Variants in RBPJ observed in about 807,000 individuals in gnomAD.
The protein encoded by RBPJ is recombining binding protein suppressor of hairless.
Under a neutral mutation model 67.8 loss-of-function variants are expected in RBPJ, and 9 were observed. The observed-to-expected ratio is 0.13, with a 90% CI of 0.08 to 0.23. The LOEUF (loss-of-function observed/expected upper bound fraction) is 0.23. RBPJ is among the 10% of genes least tolerant of loss of function. The pLI is 1.00. For missense variants in RBPJ, 305 were observed against 595.6 expected (o/e 0.51, Z 5.08); for synonymous variants, 198 against 203.3 (o/e 0.97, Z 0.22).
At chr4:26,142,347 G>A in the RBPJ span, among the ~76,000 whole-genome samples, 3 of 152,212 alleles carry the variant, frequency 2.0e-5, no homozygotes, top group Non-Finnish European at 4.4e-5. Context: ...CCAGGAATTG[G>A]ATCTAAAGAA....
intron 1 of RBPJ, among the ~76,000 whole-genome samples, chr4:26,203,644 TG>T (rs1179254059): frequency 6.6e-6 from 1 of 152,192 alleles, no homozygotes; most frequent in African/African-American, 2.4e-5. Context: ...AAAGAATGAT[TG>T]GCCACTGCTG....
intron 1 of RBPJ, among the ~76,000 whole-genome samples, chr4:26,270,365 G>GAAAGAA (rs1553855299): frequency 4.0e-5 from 1 of 24,798 alleles, no homozygotes; most frequent in South Asian, 1.5e-3. Context: ...GAGAAAGAAA[G>GAAAGAA]AAAGAAAGAA....
chr4:26,205,104 C>A (rs1718124552), intron 1 of RBPJ, among the ~76,000 whole-genome samples: 1 of 152,180 alleles, frequency 6.6e-6, no homozygotes, highest in Non-Finnish European at 1.5e-5. Context: ...CCCAGGGCTC[C>A]CGCTGGCCAC....
At chr4:26,171,422 G>A (rs998662406) in intron 1 of RBPJ, among the ~76,000 whole-genome samples, 2 of 152,126 alleles carry the variant, frequency 1.3e-5, no homozygotes, top group African/African-American at 4.8e-5. Flanking sequence ...TCTCAAATTA[G>A]TTGAGCATGG....
intron 3 of RBPJ, 147 bp downstream of exon 3, chr4:26,406,417 G>T: frequency 1.7e-6 from 1 of 605,000 alleles, no homozygotes; most frequent in South Asian, 2.1e-5. Context: ...TCTCCTGAAG[G>T]GGAGAAACAA....
At chr4:26,255,442 A>G (rs1720295694) in intron 1 of RBPJ, among the ~76,000 whole-genome samples, 1 of 145,292 alleles carries the variant, frequency 6.9e-6, no homozygotes, top group African/African-American at 2.6e-5. Flanking sequence ...GTCTAATGTG[A>G]CCCCTGCACA....
intron 1 of RBPJ, among the ~76,000 whole-genome samples, chr4:26,359,413 A>AT (rs56112785): frequency 0.13 from 16,912 of 128,998 alleles, 1,339 homozygotes; most frequent in African/African-American, 0.19. Context: ...TAACACCTTC[A>AT]TTTTTTTTTT....
At chr4:26,320,956 G>A, upstream of RBPJ, 1 of 1,612,612 alleles carries the variant, frequency 6.2e-7, no homozygotes, top group South Asian at 1.1e-5. Context: ...GGGAAGGGGC[G>A]GGGGAGAGGG....
intron 1 of RBPJ, among the ~76,000 whole-genome samples, chr4:26,248,334 C>G (rs187907985): frequency 6.6e-6 from 1 of 152,056 alleles, no homozygotes; most frequent in African/African-American, 2.4e-5. Flanking sequence ...AGTCATTCTG[C>G]CAATTATCTC....
At chr4:26,325,496 C>G (rs1372087075) in intron 1 of RBPJ, among the ~76,000 whole-genome samples, 9 of 152,208 alleles carry the variant, frequency 5.9e-5, no homozygotes, top group Non-Finnish European at 1.2e-4. Context: ...CTTAAAACCC[C>G]TGCCAGTTAA....
chr4:26,297,991 G>T (rs973067817), intron 1 of RBPJ, among the ~76,000 whole-genome samples: 1 of 151,916 alleles, frequency 6.6e-6, no homozygotes, highest in African/African-American at 2.4e-5. Context: ...AAAATTCAGG[G>T]TTTTGTCTCT....
At position 26,190,925 on chromosome 4, in the gene RBPJ, C is replaced by G. The variant is rs181347719; in HGVS notation, c.-167+27311C>G. ...CTTTGGGAGGCTGAGGCAGGAGGAT[C>G]ACTTGAGCTCAGGAGTTTGGCACCA... On this transcript the variant is annotated intron_variant, in intron 1 of 4. Transcript: ENST00000512351. Among the ~76,000 whole-genome samples, 217 of 151,640 alleles carry G rather than the reference C, an allele frequency of 1.4e-3. 1 individual carries two copies. Among genetic ancestry groups the G allele is most frequent in the African/African-American group, 5.1e-3 (209 of 41,334 alleles).
Position 26,194,141 on chromosome 4 carries a change from A to G in RBPJ, c.-167+30527A>G, listed in dbSNP as rs60209773. ...TTTATCCAGAACATTCATCCCGTTT[A>G]CTTCTGAACCATGGTTTCCTATGTC... On this transcript the variant is annotated intron_variant, in intron 1 of 4. Coordinates refer to the RBPJ transcript ENST00000512351. Among the ~76,000 whole-genome samples the G allele has an allele frequency of 5.3e-3, 811 of 152,292 alleles. 9 individuals carry two copies. The highest frequency in any genetic ancestry group is 0.019 in the African/African-American group (781 of 41,552).
rs138791727 is a variant in RBPJ at position 26,414,293 on chromosome 4, C to G, written c.156-1182C>G. ...TAGTTGGTCCTCCCACCTCAGCCAC[C>G]AGAGTAGCTGGGACTATAGGCGCCT... On this transcript the variant is annotated intron_variant, in intron 3 of 10. Coordinates refer to ENST00000355476, the MANE Select transcript of RBPJ (RefSeq NM_015874.6). 6.0e-3 allele frequency among the ~76,000 whole-genome samples: 908 copies of G among 152,186 alleles called. 12 individuals are homozygous for G. Among genetic ancestry groups the G allele is most frequent in the African/African-American group, 0.021 (868 of 41,514 alleles).
intron 1 of RBPJ, among the ~76,000 whole-genome samples, chr4:26,229,871 ACAC>A (rs919055192): frequency 8.5e-5 from 13 of 152,132 alleles, no homozygotes; most frequent in African/African-American, 3.1e-4. Context: ...CTGTGCTACA[ACAC>A]CTCCTATAAA....
the RBPJ span, among the ~76,000 whole-genome samples, chr4:26,109,660 C>A: frequency 3.6e-5 from 3 of 84,346 alleles, no homozygotes; most frequent in East Asian, 8.0e-4. Context: ...CTCTCTCTCT[C>A]TCTCTCTCTA....
chr4:26,318,996 CAAAAAAAAAA>C (rs201084739), upstream of RBPJ, among the ~76,000 whole-genome samples: 2 of 83,866 alleles, frequency 2.4e-5, no homozygotes, highest in Non-Finnish European at 5.3e-5. Context: ...GACTCCGTCT[CAAAAAAAAAA>C]AAAAAAAAAA....
intron 1 of RBPJ, among the ~76,000 whole-genome samples, chr4:26,338,058 G>T (rs553443138): frequency 7.2e-6 from 1 of 139,640 alleles, no homozygotes; most frequent in South Asian, 2.2e-4. Context: ...AGGTAGGCAG[G>T]TTTGTAGTTT....
At chr4:26,228,433 T>A (rs1719154218) in intron 1 of RBPJ, among the ~76,000 whole-genome samples, 1 of 152,242 alleles carries the variant, frequency 6.6e-6, no homozygotes, top group African/African-American at 2.4e-5. Flanking sequence ...TGCTGCAATG[T>A]ATCTGTCATT....
Sources: gnomAD v4.1 joint callset for allele counts (sites outside exome capture counted in the v4.1 genomes callset) on GRCh38, gnomAD v4.1.1 for gene constraint, MANE v1.5 for transcripts, NCBI Gene and HGNC (gene_info 2026-07-23, HGNC 2026-07-21) for gene names.